Variants in FIRRM observed in about 807,000 individuals in gnomAD.
The protein encoded by FIRRM is FIGNL1-interacting regulator of recombination and mitosis.
chr1:169,824,317 C>T, the FIRRM span, among the ~76,000 whole-genome samples: 3 of 152,236 alleles, frequency 2.0e-5, no homozygotes, highest in African/African-American at 4.8e-5. Context: ...TCCTCTCTCA[C>T]AGGCTCAGTG....
chr1:169,806,010 A>G, the FIRRM span: 4 of 1,594,806 alleles, frequency 2.5e-6, no homozygotes, highest in Non-Finnish European at 3.4e-6. Flanking sequence ...GCAGTTATTC[A>G]TTCTTTATTG....
chr1:169,849,612 TA>T, the FIRRM span: 173 of 1,584,030 alleles, frequency 1.1e-4, no homozygotes, highest in Non-Finnish European at 1.4e-4. Context: ...GAGGTAATTA[TA>T]AAACTGATTT....
chr1:169,790,759 C>G, the FIRRM span, among the ~76,000 whole-genome samples: 3 of 152,200 alleles, frequency 2.0e-5, no homozygotes, highest in African/African-American at 7.2e-5. Flanking sequence ...ATTTGTACCT[C>G]AATTCCCCAA....
chr1:169,852,915 G>A, the FIRRM span: 3 of 1,614,016 alleles, frequency 1.9e-6, no homozygotes, highest in East Asian at 4.5e-5. Flanking sequence ...CTCCAGCCTG[G>A]CTTTCAATGG....
the FIRRM span, chr1:169,837,047 G>A: frequency 6.2e-7 from 1 of 1,612,646 alleles, no homozygotes; most frequent in Non-Finnish European, 8.5e-7. Flanking sequence ...GGTCACCACA[G>A]TAGGCACTGC....
At chr1:169,793,223 A>G in the FIRRM span, 2 of 1,614,094 alleles carry the variant, frequency 1.2e-6, no homozygotes, top group Admixed American at 1.7e-5. Flanking sequence ...AACACCTGTA[A>G]TCAGATCAGA....
chr1:169,825,270 C>T, the FIRRM span, among the ~76,000 whole-genome samples: 1 of 152,212 alleles, frequency 6.6e-6, no homozygotes, highest in Non-Finnish European at 1.5e-5. Context: ...GACTTCTCTG[C>T]TCAACCCCTC....
the FIRRM span, among the ~76,000 whole-genome samples, chr1:169,828,411 T>C: frequency 6.6e-6 from 1 of 152,232 alleles, no homozygotes; most frequent in Non-Finnish European, 1.5e-5. Flanking sequence ...TGTCCCATAC[T>C]ATTGTCATCT....
the FIRRM span, among the ~76,000 whole-genome samples, chr1:169,825,652 A>G: frequency 6.6e-6 from 1 of 152,178 alleles, no homozygotes; most frequent in Non-Finnish European, 1.5e-5. Flanking sequence ...TTATAATTTA[A>G]TCCTCACAGT....
chr1:169,811,437 T>C, the FIRRM span, among the ~76,000 whole-genome samples: 1 of 152,176 alleles, frequency 6.6e-6, no homozygotes, highest in African/African-American at 2.4e-5. Flanking sequence ...AAGGATTGCT[T>C]GAGCCCAGGA....
the FIRRM span, among the ~76,000 whole-genome samples, chr1:169,784,557 G>A: frequency 2.0e-4 from 31 of 152,088 alleles, no homozygotes; most frequent in South Asian, 4.8e-3. Flanking sequence ...CTGTTTGCTT[G>A]CTTGCTTGCT....
At chr1:169,811,301 C>A in the FIRRM span, among the ~76,000 whole-genome samples, 2 of 152,072 alleles carry the variant, frequency 1.3e-5, no homozygotes, top group Non-Finnish European at 2.9e-5. Flanking sequence ...TAAACATATA[C>A]TATTGTATCT....
At chr1:169,786,558 C>T in the FIRRM span, among the ~76,000 whole-genome samples, 2,699 of 152,210 alleles carry the variant, frequency 0.018, 84 homozygotes, top group African/African-American at 0.061. Flanking sequence ...CCTTTCCACA[C>T]GCATTCTCCC....
chr1:169,831,416 A>G, the FIRRM span, among the ~76,000 whole-genome samples: 1 of 152,046 alleles, frequency 6.6e-6, no homozygotes, highest in Non-Finnish European at 1.5e-5. Flanking sequence ...ATTGTATCAT[A>G]TATTTCTTGG....
chr1:169,852,914 G>A, the FIRRM span: 1 of 1,614,106 alleles, frequency 6.2e-7, no homozygotes, highest in East Asian at 2.2e-5. Context: ...GCTCCAGCCT[G>A]GCTTTCAATG....
the FIRRM span, among the ~76,000 whole-genome samples, chr1:169,814,659 T>C: frequency 6.6e-6 from 1 of 152,254 alleles, no homozygotes; most frequent in African/African-American, 2.4e-5. Context: ...TTGATACATA[T>C]TGTAAATTGA....
chr1:169,811,793 TTATCTAAATAGATAATAGACAGATTATC>T, the FIRRM span, among the ~76,000 whole-genome samples: 126 of 140,716 alleles, frequency 9.0e-4, no homozygotes, highest in Admixed American at 1.8e-3. Context: ...AATAGACAGA[TTATCTAAATAGATAATAGACAGATTATC>T]TATCTAAATA....
At chr1:169,843,906 A>T in the FIRRM span, 2 of 615,166 alleles carry the variant, frequency 3.3e-6, no homozygotes, top group Non-Finnish European at 5.8e-6. Context: ...TTCATCAAGG[A>T]TATCTCATTT....
At chr1:169,818,241 C>T in the FIRRM span, among the ~76,000 whole-genome samples, 1 of 152,164 alleles carries the variant, frequency 6.6e-6, no homozygotes, top group South Asian at 2.1e-4. Flanking sequence ...TAATTATGTA[C>T]TAGGTATGGA....
Sources: gnomAD v4.1 joint callset for allele counts (sites outside exome capture counted in the v4.1 genomes callset) on GRCh38, gnomAD v4.1.1 for gene constraint, MANE v1.5 for transcripts, NCBI Gene and HGNC (gene_info 2026-07-23, HGNC 2026-07-21) for gene names.